The following TCAIM variants were observed in gnomAD, a reference collection of about 807,000 sequenced individuals.
The protein encoded by TCAIM is T cell activation inhibitor, mitochondrial.
TCAIM carries 36 observed loss-of-function variants against 58.6 expected under a neutral mutation model. The ratio of observed to expected loss-of-function variants is 0.61; its 90% CI spans 0.47 to 0.81. TCAIM has a LOEUF of 0.81. TCAIM is among the 30% of genes least tolerant of loss of function. The probability of loss-of-function intolerance (pLI) is 0.00; values close to 1 mark genes in which losing one functional copy is unlikely to be tolerated. For synonymous variants in TCAIM, 172 were observed against 193.6 expected, an observed-to-expected ratio of 0.89 and a Z score of 0.93; for missense variants, 466 against 579.6, an observed-to-expected ratio of 0.80 and a Z score of 2.01.
At chr3:44,358,555 A>T (rs1701242507) in intron 3 of TCAIM, 1 of 342,604 alleles carries the variant, frequency 2.9e-6, no homozygotes, top group East Asian at 6.6e-5. Context: ...CATAGCACTT[A>T]CATTATATTA....
At chr3:44,347,710 C>T (rs11914776) in intron 1 of TCAIM, among the ~76,000 whole-genome samples, 27,522 of 152,116 alleles carry the variant, frequency 0.18, 2,741 homozygotes, top group Middle Eastern at 0.29. Flanking sequence ...AAAGGCCATG[C>T]TGTAACAGGC....
intron 1 of TCAIM, among the ~76,000 whole-genome samples, chr3:44,352,571 A>G (rs2125629560): frequency 6.6e-6 from 1 of 152,270 alleles, no homozygotes. Flanking sequence ...AACCTCCCTC[A>G]CTATCAGCAT....
chr3:44,345,447 A>G (rs1421562567), intron 1 of TCAIM, among the ~76,000 whole-genome samples: 5 of 151,274 alleles, frequency 3.3e-5, no homozygotes, highest in African/African-American at 1.2e-4. Flanking sequence ...TTTGGGCTCT[A>G]TCTTTGAGTT....
At chr3:44,371,265 G>A (rs1444473122) in intron 5 of TCAIM, among the ~76,000 whole-genome samples, 1 of 151,432 alleles carries the variant, frequency 6.6e-6, no homozygotes, top group Non-Finnish European at 1.5e-5. Context: ...ACTATGTTGT[G>A]CAGGCTAGTC....
chr3:44,350,711 G>A (rs898530107), intron 1 of TCAIM, among the ~76,000 whole-genome samples: 2 of 152,080 alleles, frequency 1.3e-5, no homozygotes, highest in African/African-American at 4.8e-5. Context: ...TACAAGTGGG[G>A]ACCATTATAT....
intron 2 of TCAIM, among the ~76,000 whole-genome samples, chr3:44,355,259 C>G (rs1701170072): frequency 6.6e-6 from 1 of 151,910 alleles, no homozygotes; most frequent in African/African-American, 2.4e-5. Context: ...AAATGCAGGT[C>G]AGGGAGGATG....
intron 9 of TCAIM, 28 bp from the exon 10 acceptor site, chr3:44,401,175 T>C (rs1456637937): frequency 6.2e-7 from 1 of 1,610,478 alleles, no homozygotes; most frequent in Non-Finnish European, 8.5e-7. Flanking sequence ...GGTCAGTGGT[T>C]TTTCCTTTAA....
At chr3:44,378,781 A>C (rs1701607440) in intron 5 of TCAIM, among the ~76,000 whole-genome samples, 1 of 149,968 alleles carries the variant, frequency 6.7e-6, no homozygotes, top group African/African-American at 2.5e-5. Context: ...ACGGCAACAG[A>C]GCGAGACTCT....
rs146430637 is a variant in TCAIM, at chr3:44,409,353, G to A, written c.*1671G>A. On this transcript the variant is annotated 3_prime_UTR_variant, in exon 11 of 11. Coordinates refer to ENST00000342649, the MANE Select transcript of TCAIM (RefSeq NM_173826.4). ...TTAGAAAATCAGCTTTGGATTATAC[G>A]ATTTCTAAAATATACTAATACAGAA... 26 of 152,210 alleles carry A rather than the reference G, an allele frequency of 1.7e-4. No individual in the cohort carries two copies. The highest frequency in any genetic ancestry group is 6.0e-4 in the African/African-American group (25 of 41,526). 9.4% of individuals were successfully genotyped at this position (152,210 alleles called of 1,614,324 possible). A position where few individuals can be genotyped will look rare whatever the true frequency, so the allele number is the denominator to read the frequency against.
intron 8 of TCAIM, among the ~76,000 whole-genome samples, chr3:44,398,682 C>T (rs1701977488): frequency 6.6e-6 from 1 of 152,150 alleles, no homozygotes. Context: ...AGCAGTCACC[C>T]TTGGGTATTT....
intron 1 of TCAIM, among the ~76,000 whole-genome samples, chr3:44,353,883 T>G (rs971051302): frequency 3.9e-5 from 6 of 152,248 alleles, no homozygotes; most frequent in African/African-American, 1.4e-4. Flanking sequence ...GCTTTTCTTC[T>G]CATTCTCTTG....
intron 4 of TCAIM, chr3:44,362,408 C>G (rs1198214726): frequency 2.5e-6 from 1 of 400,760 alleles, no homozygotes; most frequent in Non-Finnish European, 4.4e-6. Context: ...CTCACCCTCC[C>G]CCGGCTCTCA....
intron 1 of TCAIM, among the ~76,000 whole-genome samples, chr3:44,345,627 G>C (rs917288403): frequency 6.6e-6 from 1 of 152,150 alleles, no homozygotes; most frequent in African/African-American, 2.4e-5. Flanking sequence ...ATTAGAAACG[G>C]CTAGGAGAGA....
intron 10 of TCAIM, among the ~76,000 whole-genome samples, chr3:44,402,074 T>C (rs561526728): frequency 6.6e-6 from 1 of 152,054 alleles, no homozygotes; most frequent in Admixed American, 6.5e-5. Flanking sequence ...AAACTTTATC[T>C]GCATTTTAAT....
intron 5 of TCAIM, among the ~76,000 whole-genome samples, chr3:44,388,160 T>A (rs1701774690): frequency 6.6e-6 from 1 of 152,050 alleles, no homozygotes; most frequent in Non-Finnish European, 1.5e-5. Flanking sequence ...TATAAAAACA[T>A]TATATAAGAA....
Position 44,396,403 on chromosome 3 carries a change from G to T in TCAIM, c.699G>T (p.Trp233Cys). 1 of 1,612,756 alleles carries T rather than the reference G, an allele frequency of 6.2e-7. No homozygotes were observed. Among genetic ancestry groups the T allele is most frequent in the Non-Finnish European group, 8.5e-7 (1 of 1,179,600 alleles). ...SHQLQLSDIR[W>C]QRSWGIAHRC... The stretch of plus-strand genomic sequence containing the variant: ...AGTGTGTGCTCTGTTGGCCTAGGTG[G>T]CAGAGGAGCTGGGGCATCGCCCACC... The change falls in exon 7 of 11, where the codon TGG becomes TGT. Residue 233 changes from tryptophan (W) to cysteine (C), a missense_variant. By Grantham distance (215) the Trp-to-Cys change is radical (BLOSUM62 -2). Coordinates refer to ENST00000342649, the MANE Select transcript of TCAIM (RefSeq NM_173826.4).
intron 6 of TCAIM, among the ~76,000 whole-genome samples, chr3:44,394,923 T>A (rs6441837): frequency 0.012 from 232 of 19,794 alleles, 5 homozygotes; most frequent in African/African-American, 0.039. Flanking sequence ...AAAAAAAAAA[T>A]ATATATATAT....
At chr3:44,404,328 A>G (rs1005705668) in intron 10 of TCAIM, among the ~76,000 whole-genome samples, 1 of 152,148 alleles carries the variant, frequency 6.6e-6, no homozygotes, top group Non-Finnish European at 1.5e-5. Context: ...AACAGAAGGT[A>G]AGCCCACTGA....
At chr3:44,398,829 C>G (rs1244064328) in intron 8 of TCAIM, among the ~76,000 whole-genome samples, 1 of 152,158 alleles carries the variant, frequency 6.6e-6, no homozygotes, top group East Asian at 1.9e-4. Flanking sequence ...CCATAGGATT[C>G]TACTCAGCAA....
Sources: gnomAD v4.1 joint callset for allele counts (sites outside exome capture counted in the v4.1 genomes callset) on GRCh38, gnomAD v4.1.1 for gene constraint, MANE v1.5 for transcripts, NCBI Gene and HGNC (gene_info 2026-07-23, HGNC 2026-07-21) for gene names.